KIF5B: variants seen among roughly 807,000 people sequenced by gnomAD.
The protein encoded by KIF5B is kinesin-1 heavy chain.
A neutral mutation model predicts 132.8 loss-of-function variants in KIF5B; 49 were observed. The ratio of observed to expected loss-of-function variants is 0.37; its 90% CI spans 0.29 to 0.47. The LOEUF is 0.47. KIF5B is among the 20% of genes least tolerant of loss of function. The pLI is 1.00. For synonymous variants in KIF5B, 355 were observed against 369.4 expected (o/e 0.96, Z 0.45); for missense variants, 780 against 1,144.0 (o/e 0.68, Z 4.59).
rs958447792 is a variant in KIF5B, at chr10:32,009,440, A to G, written c.*2097T>C. The G allele has an allele frequency of 6.6e-6, 1 of 152,206 alleles. No individual in the cohort carries two copies. Among genetic ancestry groups the G allele is most frequent in the Non-Finnish European group, 1.5e-5 (1 of 68,032 alleles). 9.4% of individuals were successfully genotyped at this position (152,206 alleles called of 1,614,324 possible). A position where few individuals can be genotyped will look rare whatever the true frequency, so the allele number is the denominator to read the frequency against. ...TAAGTGCTGTGTTTAATGACCTACC[A>G]TAGCAAAAAGCAGTTCACTGAAAAC... On this transcript the variant is annotated 3_prime_UTR_variant, in exon 26 of 26. Transcript: ENST00000302418.
chr10:32,017,371 C>T lies in KIF5B; in HGVS notation c.2545-12G>A. 1 of 1,598,186 alleles carries T rather than the reference C, an allele frequency of 6.3e-7. No homozygotes were observed. Among genetic ancestry groups the T allele is most frequent in the South Asian group, 1.1e-5 (1 of 90,384 alleles). Reference sequence around the variant, plus strand: ...TTATCACGTACCAACTAAACGTACACAAAGAAAACAAGGATTCCAGATTTA... The same window carrying T: ...TTATCACGTACCAACTAAACGTACATAAAGAAAACAAGGATTCCAGATTTA... On this transcript the variant is annotated splice_polypyrimidine_tract_variant and intron_variant, in intron 23 of 25. Coordinates refer to ENST00000302418, the MANE Select transcript of KIF5B (RefSeq NM_004521.3).
rs1248495866 is a variant in KIF5B, at chr10:32,010,088, C to G, written c.*1449G>C. ...TTAATACAAATATCTGTGTATAAAA[C>G]TTTTGCAAAAAGTTAATTCTGCCAG... On this transcript the variant is annotated 3_prime_UTR_variant, in exon 26 of 26. Transcript: ENST00000302418. 6.6e-6 allele frequency: 1 copy of G among 152,116 alleles called. No homozygotes were observed. The highest frequency in any genetic ancestry group is 2.4e-5 in the African/African-American group (1 of 41,434). 9.4% of individuals were successfully genotyped at this position (152,116 alleles called of 1,614,324 possible). A position where few individuals can be genotyped will look rare whatever the true frequency, so the allele number is the denominator to read the frequency against.
At chr10:32,027,145 T>C (rs1442551686) in intron 15 of KIF5B, among the ~76,000 whole-genome samples, 1 of 152,234 alleles carries the variant, frequency 6.6e-6, no homozygotes, top group African/African-American at 2.4e-5. Context: ...TTACGTCAGT[T>C]CCAACTCTGG....
At chr10:32,041,145 C>CA (rs35673564) in intron 2 of KIF5B, among the ~76,000 whole-genome samples, 1,716 of 101,434 alleles carry the variant, frequency 0.017, 39 homozygotes, top group African/African-American at 0.051. Context: ...GACTCTGTCT[C>CA]AAAAAAAAAA....
rs1404077822 is a variant in KIF5B at position 32,009,219 on chromosome 10, G to A, written c.*2318C>T. 2 of 152,130 alleles carry A rather than the reference G, an allele frequency of 1.3e-5. No homozygotes were observed. Among genetic ancestry groups the A allele is most frequent in the Non-Finnish European group, 2.9e-5 (2 of 68,016 alleles). The allele number at this position is 152,130 out of a possible 1,614,324, so 9.4% of individuals were successfully genotyped here. On this transcript the variant is annotated 3_prime_UTR_variant, in exon 26 of 26. Transcript: ENST00000302418. ...GAGTTAAGCACAAACTGAGAGTTAC[G>A]CACAGTAGTTTTCTTAAGTTAGGCA...
Position 32,017,294 on chromosome 10 carries a change from T to C in KIF5B, c.2610A>G (p.Thr870=). The C allele has an allele frequency of 6.2e-7, 1 of 1,614,242 alleles. No homozygotes were observed. Among genetic ancestry groups the C allele is most frequent in the South Asian group, 1.1e-5 (1 of 91,086 alleles). The part of the protein sequence containing the change: ...LPKLEKRLRA[T]AERVKALESA... ...ATTCCAAAGCTTTCACTCTCTCAGC[T>C]GTAGCTCGAAGTCGCTTTTCCAACT... The change falls in exon 24 of 26, where the codon ACA becomes ACG. Residue 870 remains threonine (T), a synonymous_variant. Transcript: ENST00000302418.
intron 6 of KIF5B, among the ~76,000 whole-genome samples, chr10:32,037,941 C>G (rs1435577987): frequency 6.6e-6 from 1 of 151,966 alleles, no homozygotes; most frequent in Non-Finnish European, 1.5e-5. Context: ...GAAACTTCGT[C>G]TCTACTAAAA....
intron 3 of KIF5B, 22 bp downstream of exon 3, chr10:32,040,362 A>G (rs769919942): frequency 4.9e-6 from 7 of 1,434,730 alleles, no homozygotes; most frequent in East Asian, 4.6e-5. Flanking sequence ...ACCACATCTA[A>G]GTACAGATTA....
At position 32,033,991 on chromosome 10, in the gene KIF5B, A is replaced by AGGG. The variant is rs1207634457; in HGVS notation, c.1158_1159insCCC (p.Asn386_Leu387insPro). On this transcript the variant is annotated inframe_insertion, in exon 12 of 26. Transcript: ENST00000302418. ...TCTTTATCCACTGTGAAAGCTTCCAAGTTGGCTTTCTCTTTGTCAAACTGT... is the reference window on the plus strand; with the variant it reads ...TCTTTATCCACTGTGAAAGCTTCCAAGGGGTTGGCTTTCTCTTTGTCAAACTGT... 1 of 1,602,686 alleles carries AGGG rather than the reference A, an allele frequency of 6.2e-7. No individual in the cohort carries two copies. Among genetic ancestry groups the AGGG allele is most frequent in the South Asian group, 1.1e-5 (1 of 88,286 alleles).
In KIF5B at chr10:32,028,413, A is replaced by T; in HGVS notation, c.1725+15T>A. 2 of 1,593,998 alleles carry T rather than the reference A, an allele frequency of 1.3e-6. No individual in the cohort carries two copies. The highest frequency in any genetic ancestry group is 1.7e-4 in the Middle Eastern group (1 of 6,000). ...ATACAGATAATTGTCCTTAATACTT[A>T]GTTATTATATTTACCTTTACATCAT... is the stretch of plus-strand genomic sequence containing the variant. On this transcript the variant is annotated intron_variant, in intron 15 of 25. Transcript: ENST00000302418.
chr10:32,021,046 G>T lies in KIF5B; in HGVS notation c.2180C>A (p.Ala727Glu), dbSNP rs2132584921. Reference sequence around the variant, plus strand: ...CTCTTGAAGATCAGTAATAAGTTTTGCTTTTGCTTCTACTTCATCTCTCAA... The same window carrying T: ...CTCTTGAAGATCAGTAATAAGTTTTTCTTTTGCTTCTACTTCATCTCTCAA... ...SSLRDEVEAK[A>E]KLITDLQDQN... Residue 727 changes from alanine (A) to glutamate (E), a missense_variant, in exon 19 of 26, where the codon GCA (alanine) becomes GAA (glutamate). Ala to Glu is a moderately radical substitution (Grantham distance 107). Coordinates refer to ENST00000302418, the MANE Select transcript of KIF5B (RefSeq NM_004521.3). 1.2e-6 allele frequency: 2 copies of T among 1,605,278 alleles called. No individual in the cohort carries two copies. Among genetic ancestry groups the T allele is most frequent in the Non-Finnish European group, 1.7e-6 (2 of 1,172,310 alleles).
At chr10:32,055,619 T>C (rs949006064) in intron 1 of KIF5B, among the ~76,000 whole-genome samples, 2 of 152,168 alleles carry the variant, frequency 1.3e-5, no homozygotes, top group Non-Finnish European at 2.9e-5. Flanking sequence ...GGGCTGAGGC[T>C]GGGCGCTTCC....
At chr10:32,025,871 AG>A (rs1592442884) in intron 15 of KIF5B, among the ~76,000 whole-genome samples, 1 of 152,250 alleles carries the variant, frequency 6.6e-6, no homozygotes, top group Non-Finnish European at 1.5e-5. Flanking sequence ...ACTAGCTGAA[AG>A]GGCTACATAT....
chr10:32,018,014 A>T (rs1222183472), intron 23 of KIF5B, 38 bp downstream of exon 23: 1 of 1,165,002 alleles, frequency 8.6e-7, no homozygotes, highest in Non-Finnish European at 1.2e-6. Flanking sequence ...TTTGATTTTT[A>T]CTATCTTGCA....
chr10:32,055,540 A>G (rs1017705010), intron 1 of KIF5B, among the ~76,000 whole-genome samples: 3 of 150,692 alleles, frequency 2.0e-5, no homozygotes, highest in African/African-American at 7.4e-5. Context: ...ACACACACAC[A>G]CGCAGACAAA....
At chr10:32,035,353 C>T (rs993306327) in intron 10 of KIF5B, among the ~76,000 whole-genome samples, 169 bp downstream of exon 10, 12 of 152,152 alleles carry the variant, frequency 7.9e-5, no homozygotes, top group Non-Finnish European at 1.6e-4. Context: ...AAACTTAAAC[C>T]AAGCAGTCTA....
In KIF5B at chr10:32,021,129, T is replaced by C. The variant is rs1479988527; in HGVS notation, c.2097A>G (p.Gln699=). 1 of 1,612,764 alleles carries C rather than the reference T, an allele frequency of 6.2e-7. No homozygotes were observed. The highest frequency in any genetic ancestry group is 8.5e-7 in the Non-Finnish European group (1 of 1,179,052). Residue 699 remains glutamine, a splice_region_variant and synonymous_variant, in exon 19 of 26, where the codon CAA becomes CAG. Coordinates refer to ENST00000302418, the MANE Select transcript of KIF5B (RefSeq NM_004521.3). ...NKVQTANEVK[Q]AVEQQIQSHR... is the part of the protein sequence containing the mutation. The stretch of plus-strand genomic sequence containing the variant: ...GGCTCTGGATCTGCTGTTCAACAGC[T>C]TGCTAAAATTTTGGGGGGGAAAAGG...
chr10:32,021,419 C>T (rs1592440214), intron 17 of KIF5B, 132 bp from the exon 18 acceptor site: 1 of 654,208 alleles, frequency 1.5e-6, no homozygotes, highest in East Asian at 2.7e-5. Context: ...CAAATGTCAC[C>T]TGCTCTCCAA....
rs373721328 is a variant in KIF5B, at chr10:32,035,879, T to C, written c.816+11A>G. 22 of 1,596,132 alleles carry C rather than the reference T, an allele frequency of 1.4e-5. 1 individual carries two copies. The East Asian group carries it at 2.2e-4, about 16-fold the overall frequency. On this transcript the variant is annotated intron_variant, in intron 9 of 25. Coordinates refer to ENST00000302418, the MANE Select transcript of KIF5B (RefSeq NM_004521.3). ...TAAGGTAACAGGGAGATAGAAGACA[T>C]GTATACTCACACTACCCTCAGCCAA...
Sources: allele counts gnomAD v4.1 joint callset (sites outside exome capture counted in the v4.1 genomes callset), GRCh38; gene constraint gnomAD v4.1.1; transcripts MANE v1.5; gene names NCBI Gene and HGNC (gene_info 2026-07-23, HGNC 2026-07-21).